Variants in CSMD1 observed in about 807,000 individuals in gnomAD.
The protein encoded by CSMD1 is CUB and sushi domain-containing protein 1.
Under a neutral mutation model 417.5 loss-of-function variants are expected in CSMD1, and 213 were observed. The observed-to-expected ratio is 0.51, with a 90% CI of 0.46 to 0.57. The LOEUF is 0.57. Ranked by LOEUF, CSMD1 falls within the 20% of genes least tolerant of loss-of-function variation. The probability of loss-of-function intolerance (pLI) is 0.00; values close to 1 mark genes in which losing one functional copy is unlikely to be tolerated. For synonymous variants in CSMD1, 2,862 were observed against 1,736.8 expected (o/e 1.65, Z -16.11); for missense variants, 6,923 against 4,529.7 (o/e 1.53, Z -15.17).
chr8:3,581,525 G>A (rs1039838927), intron 9 of CSMD1, among the ~76,000 whole-genome samples: 4 of 152,170 alleles, frequency 2.6e-5, no homozygotes, highest in Admixed American at 2.6e-4. Context: ...TTTATCGAAT[G>A]CTTCCATCAG....
At chr8:3,873,190 A>G (rs935033235) in intron 5 of CSMD1, among the ~76,000 whole-genome samples, 2 of 152,194 alleles carry the variant, frequency 1.3e-5, no homozygotes, top group African/African-American at 4.8e-5. Context: ...CAAGCCAGCA[A>G]TCCCTTTACT....
chr8:4,067,405 T>C (rs1264795806), intron 3 of CSMD1, among the ~76,000 whole-genome samples: 2 of 152,220 alleles, frequency 1.3e-5, no homozygotes, highest in African/African-American at 4.8e-5. Flanking sequence ...CAGTATTTCC[T>C]AGACTAATGA....
At chr8:4,429,580 A>G (rs551723652) in intron 2 of CSMD1, among the ~76,000 whole-genome samples, 2 of 152,144 alleles carry the variant, frequency 1.3e-5, no homozygotes, top group African/African-American at 4.8e-5. Context: ...GTCCATACTG[A>G]TTTAGGAGGC....
intron 5 of CSMD1, among the ~76,000 whole-genome samples, chr8:3,857,401 A>G (rs576848717): frequency 1.2e-4 from 18 of 152,230 alleles, no homozygotes; most frequent in South Asian, 2.1e-4. Context: ...ATTTGGAATA[A>G]CAAGTGAAAA....
intron 3 of CSMD1, among the ~76,000 whole-genome samples, chr8:4,062,518 A>G (rs1799028456): frequency 2.6e-5 from 4 of 152,190 alleles, no homozygotes; most frequent in Non-Finnish European, 5.9e-5. Context: ...GGGGAAATGT[A>G]TTTTAAATCA....
At chr8:4,291,607 T>C (rs994964273) in intron 3 of CSMD1, among the ~76,000 whole-genome samples, 1 of 152,218 alleles carries the variant, frequency 6.6e-6, no homozygotes, top group Admixed American at 6.5e-5. Context: ...TGTGGTCATT[T>C]TTCTTGTGAT....
intron 5 of CSMD1, among the ~76,000 whole-genome samples, chr8:3,962,973 G>A (rs1812429508): frequency 6.6e-6 from 1 of 152,016 alleles, no homozygotes; most frequent in Non-Finnish European, 1.5e-5. Context: ...CTCTTGCTCC[G>A]TCACCCAGGC....
chr8:3,004,521 A>G (rs570368805), intron 52 of CSMD1, among the ~76,000 whole-genome samples: 3 of 152,326 alleles, frequency 2.0e-5, no homozygotes, highest in African/African-American at 7.2e-5. Context: ...ATGGTTGAAG[A>G]ATTAGGAAAG....
chr8:3,450,838 G>T (rs938728503), intron 12 of CSMD1, among the ~76,000 whole-genome samples: 2 of 151,734 alleles, frequency 1.3e-5, no homozygotes, highest in Non-Finnish European at 2.9e-5. Context: ...CCAGTAATGG[G>T]ATGGCTGGGT....
chr8:4,311,760 A>T (rs1444352067), intron 3 of CSMD1, among the ~76,000 whole-genome samples: 1 of 150,354 alleles, frequency 6.7e-6, no homozygotes, highest in Non-Finnish European at 1.5e-5. Flanking sequence ...AAATTATGAG[A>T]GTTCATAGAG....
intron 18 of CSMD1, among the ~76,000 whole-genome samples, chr8:3,374,419 T>C (rs1251762968): frequency 2.0e-5 from 3 of 152,212 alleles, no homozygotes; most frequent in African/African-American, 7.2e-5. Flanking sequence ...GAAAAGTCCC[T>C]GTTTTTCCAA....
At chr8:3,594,771 G>C (rs1801014211) in intron 8 of CSMD1, among the ~76,000 whole-genome samples, 1 of 152,206 alleles carries the variant, frequency 6.6e-6, no homozygotes, top group African/African-American at 2.4e-5. Context: ...AGGCTTGGGA[G>C]AAGAGGCCGG....
intron 3 of CSMD1, among the ~76,000 whole-genome samples, chr8:4,125,855 C>G (rs979809521): frequency 2.0e-5 from 3 of 152,142 alleles, no homozygotes; most frequent in African/African-American, 7.2e-5. Context: ...CTTTGCAGGA[C>G]TAACAAATTA....
At chr8:3,890,056 A>G (rs1288192147) in intron 5 of CSMD1, among the ~76,000 whole-genome samples, 1 of 152,120 alleles carries the variant, frequency 6.6e-6, no homozygotes, top group Non-Finnish European at 1.5e-5. Flanking sequence ...TCTGAATCCC[A>G]ATTTATCATT....
At chr8:3,314,722 C>T (rs1423222932) in intron 23 of CSMD1, among the ~76,000 whole-genome samples, 1 of 152,188 alleles carries the variant, frequency 6.6e-6, no homozygotes, top group Non-Finnish European at 1.5e-5. Context: ...ATTACGCAGT[C>T]TTAATATTCT....
chr8:3,549,790 G>C (rs571284161), intron 10 of CSMD1, among the ~76,000 whole-genome samples: 3 of 152,096 alleles, frequency 2.0e-5, no homozygotes, highest in African/African-American at 7.2e-5. Flanking sequence ...CTCCACAACT[G>C]TAAATAATAC....
At chr8:4,304,075 C>G (rs1278460563) in intron 3 of CSMD1, among the ~76,000 whole-genome samples, 3 of 152,048 alleles carry the variant, frequency 2.0e-5, no homozygotes, top group Non-Finnish European at 4.4e-5. Context: ...TCGATGAAAC[C>G]CTTGAAATAC....
intron 1 of CSMD1, among the ~76,000 whole-genome samples, chr8:4,891,539 G>A (rs13252245): frequency 6.6e-6 from 1 of 152,206 alleles, no homozygotes; most frequent in South Asian, 2.1e-4. Context: ...TTTTTATAGG[G>A]AGTTTGCCTT....
chr8:3,071,162 C>A, intron 49 of CSMD1, among the ~76,000 whole-genome samples: 1 of 152,202 alleles, frequency 6.6e-6, no homozygotes, highest in South Asian at 2.1e-4. Context: ...GATCCAAACA[C>A]CTCTTTCCAG....
Sources: gnomAD v4.1 joint callset for allele counts (sites outside exome capture counted in the v4.1 genomes callset) on GRCh38, gnomAD v4.1.1 for gene constraint, MANE v1.5 for transcripts, NCBI Gene and HGNC (gene_info 2026-07-23, HGNC 2026-07-21) for gene names.